The following CCSER1 variants were observed in gnomAD, a reference collection of about 807,000 sequenced individuals.
The protein encoded by CCSER1 is serine-rich coiled-coil domain-containing protein 1.
Under a neutral mutation model 82.0 loss-of-function variants are expected in CCSER1, and 41 were observed. The ratio of observed to expected loss-of-function variants is 0.50; its 90% CI spans 0.39 to 0.65. The LOEUF is 0.65. CCSER1 is among the 30% of genes least tolerant of loss of function. The pLI is 0.00. For missense variants in CCSER1, 1,119 were observed against 1,064.2 expected, an observed-to-expected ratio of 1.05 and a Z score of -0.72; for synonymous variants, 414 against 383.9, an observed-to-expected ratio of 1.08 and a Z score of -0.92.
chr4:90,398,102 A>G lies in CCSER1; in HGVS notation c.1510-1934A>G, dbSNP rs540439371. Among the ~76,000 whole-genome samples, 18 of 152,170 alleles carry G rather than the reference A, an allele frequency of 1.2e-4. 1 individual carries two copies. The South Asian group carries it at 3.5e-3, about 30-fold the overall frequency. On this transcript the variant is annotated intron_variant, in intron 3 of 10. Coordinates refer to ENST00000509176, the MANE Select transcript of CCSER1 (RefSeq NM_001145065.2). The stretch of plus-strand genomic sequence containing the variant: ...GGCCTCTCTCCTTGGCTTGCAAATG[A>G]CCTATCTTCCCTCCCTCTGTGAATT...
intron 10 of CCSER1, among the ~76,000 whole-genome samples, chr4:91,401,570 C>G (rs966087475): frequency 2.0e-5 from 3 of 151,832 alleles, no homozygotes; most frequent in Admixed American, 2.0e-4. Context: ...CATGACAGAC[C>G]CTGGTGTGTG....
intron 7 of CCSER1, among the ~76,000 whole-genome samples, chr4:90,777,246 ACTTGGGGG>A (rs1753034188): frequency 6.7e-6 from 1 of 148,724 alleles, no homozygotes; most frequent in Non-Finnish European, 1.5e-5. Flanking sequence ...AATCCCAGCT[ACTTGGGGG>A]GCTGAGGCAG....
At chr4:90,426,136 A>G (rs1757499791) in intron 4 of CCSER1, among the ~76,000 whole-genome samples, 1 of 152,172 alleles carries the variant, frequency 6.6e-6, no homozygotes, top group African/African-American at 2.4e-5. Context: ...ATTCCTTGGC[A>G]GAGTAGGGAG....
chr4:90,467,638 G>T (rs559003497), intron 4 of CCSER1, among the ~76,000 whole-genome samples: 1 of 151,576 alleles, frequency 6.6e-6, no homozygotes, highest in East Asian at 2.0e-4. Context: ...AGCCAAGATC[G>T]TGCCACTGCA....
At chr4:90,694,435 G>A (rs1736596819) in intron 6 of CCSER1, among the ~76,000 whole-genome samples, 1 of 151,916 alleles carries the variant, frequency 6.6e-6, no homozygotes, top group Admixed American at 6.6e-5. Flanking sequence ...TGGCTAGGCA[G>A]TTGATTTACT....
intron 10 of CCSER1, among the ~76,000 whole-genome samples, chr4:91,274,310 A>C (rs1233909523): frequency 3.3e-5 from 5 of 152,282 alleles, no homozygotes; most frequent in Non-Finnish European, 7.4e-5. Flanking sequence ...TTAAGTATTT[A>C]TCCTTTCCTT....
At chr4:90,921,736 A>T (rs1230857372) in intron 8 of CCSER1, among the ~76,000 whole-genome samples, 1 of 152,060 alleles carries the variant, frequency 6.6e-6, no homozygotes. Context: ...TGCTCTATAC[A>T]TGAGTGCATA....
intron 5 of CCSER1, among the ~76,000 whole-genome samples, chr4:90,584,654 A>T (rs1313635957): frequency 6.6e-6 from 1 of 152,188 alleles, no homozygotes; most frequent in Non-Finnish European, 1.5e-5. Flanking sequence ...GCTTCCTATA[A>T]ATTTAGCCAG....
chr4:90,631,398 T>C (rs1724395720), intron 6 of CCSER1, among the ~76,000 whole-genome samples: 1 of 152,198 alleles, frequency 6.6e-6, no homozygotes, highest in African/African-American at 2.4e-5. Context: ...ATGATATTTT[T>C]ACACTTTTGC....
intron 10 of CCSER1, among the ~76,000 whole-genome samples, chr4:91,109,576 A>G (rs1412162611): frequency 6.6e-6 from 1 of 152,158 alleles, no homozygotes; most frequent in African/African-American, 2.4e-5. Flanking sequence ...AAAGAATATG[A>G]CTTTTTTAAT....
chr4:90,510,253 C>T (rs781306591), intron 5 of CCSER1, among the ~76,000 whole-genome samples: 14 of 152,098 alleles, frequency 9.2e-5, no homozygotes, highest in Admixed American at 4.6e-4. Context: ...TTTTAACCTT[C>T]GCTGAAATGA....
intron 9 of CCSER1, among the ~76,000 whole-genome samples, chr4:91,035,210 A>T: frequency 6.6e-6 from 1 of 151,240 alleles, no homozygotes; most frequent in South Asian, 2.1e-4. Context: ...TGACCAAAAG[A>T]TTAGTATTAA....
intron 10 of CCSER1, among the ~76,000 whole-genome samples, chr4:91,466,714 AC>A (rs1756933438): frequency 6.6e-6 from 1 of 152,156 alleles, no homozygotes; most frequent in Non-Finnish European, 1.5e-5. Context: ...CCAATAAGAG[AC>A]AAACAGAGAG....
At chr4:91,187,672 C>A (rs1734674172) in intron 10 of CCSER1, among the ~76,000 whole-genome samples, 1 of 152,104 alleles carries the variant, frequency 6.6e-6, no homozygotes, top group Non-Finnish European at 1.5e-5. Flanking sequence ...CTTCCTCAGC[C>A]TCATGAGAAG....
chr4:90,895,221 T>A (rs1000420599), intron 8 of CCSER1, among the ~76,000 whole-genome samples: 2 of 152,030 alleles, frequency 1.3e-5, no homozygotes, highest in African/African-American at 4.8e-5. Flanking sequence ...ATATGGCACA[T>A]AACATCAGTA....
chr4:91,279,049 G>A (rs974926680), intron 10 of CCSER1, among the ~76,000 whole-genome samples: 6 of 151,472 alleles, frequency 4.0e-5, no homozygotes, highest in East Asian at 1.9e-4. Flanking sequence ...GTCCTTGGCC[G>A]CCAGGTTTAT....
chr4:91,435,231 G>A (rs577412134), intron 10 of CCSER1, among the ~76,000 whole-genome samples: 2 of 152,240 alleles, frequency 1.3e-5, no homozygotes, highest in South Asian at 4.1e-4. Context: ...CTTGAGTCCT[G>A]GAGTTTGAGA....
At chr4:91,404,708 A>G (rs1267054293) in intron 10 of CCSER1, among the ~76,000 whole-genome samples, 1 of 152,130 alleles carries the variant, frequency 6.6e-6, no homozygotes, top group African/African-American at 2.4e-5. Flanking sequence ...AGGGGTTTTG[A>G]GTGAGTTTCT....
chr4:91,206,124 T>C (rs1301812670), intron 10 of CCSER1, among the ~76,000 whole-genome samples: 3 of 151,856 alleles, frequency 2.0e-5, no homozygotes, highest in Non-Finnish European at 4.4e-5. Flanking sequence ...GTGAACAACA[T>C]ATGAAAATAT....
Sources: allele counts gnomAD v4.1 joint callset (sites outside exome capture counted in the v4.1 genomes callset), GRCh38; gene constraint gnomAD v4.1.1; transcripts MANE v1.5; gene names NCBI Gene and HGNC (gene_info 2026-07-23, HGNC 2026-07-21).